GRM7: variants seen among roughly 807,000 people sequenced by gnomAD.
GRM7 encodes glutamate metabotropic receptor 7, also known as metabotropic glutamate receptor 7.
In GRM7, 35 loss-of-function variants were observed where a neutral mutation model predicts 84.5. The ratio of observed to expected loss-of-function variants is 0.41; its 90% CI spans 0.32 to 0.55. GRM7 has a LOEUF of 0.55. GRM7 is among the 20% of genes least tolerant of loss of function. The probability of loss-of-function intolerance (pLI) is 0.19; values close to 1 mark genes in which losing one functional copy is unlikely to be tolerated. For synonymous variants in GRM7, 487 were observed against 455.1 expected (o/e 1.07, Z -0.89); for missense variants, 1,003 against 1,194.6 (o/e 0.84, Z 2.36).
chr3:7,205,001 A>C (rs139257397), intron 2 of GRM7, among the ~76,000 whole-genome samples: 15 of 152,346 alleles, frequency 9.8e-5, no homozygotes, highest in South Asian at 2.1e-4. Context: ...GACTTATTTG[A>C]ATATTATCTC....
At chr3:7,324,702 C>T (rs756962456) in intron 4 of GRM7, among the ~76,000 whole-genome samples, 3 of 152,062 alleles carry the variant, frequency 2.0e-5, no homozygotes, top group Non-Finnish European at 2.9e-5. Flanking sequence ...GGAATTCTGG[C>T]ATCTCGACTT....
intron 5 of GRM7, among the ~76,000 whole-genome samples, chr3:7,435,122 T>C (rs1053209365): frequency 6.6e-6 from 1 of 152,124 alleles, no homozygotes; most frequent in South Asian, 2.1e-4. Context: ...TTAGTGTCTG[T>C]TGCATCTGTA....
intron 1 of GRM7, among the ~76,000 whole-genome samples, chr3:6,963,399 A>G (rs551668243): frequency 6.6e-6 from 1 of 152,196 alleles, no homozygotes; most frequent in Non-Finnish European, 1.5e-5. Flanking sequence ...ATGCACAAAG[A>G]TGTATAGATT....
chr3:7,403,961 G>A (rs539001119), intron 4 of GRM7, among the ~76,000 whole-genome samples: 3 of 152,008 alleles, frequency 2.0e-5, no homozygotes, highest in Admixed American at 6.6e-5. Context: ...TTGCACAATC[G>A]TATAGAGTAG....
chr3:7,589,407 G>A (rs894844888), intron 8 of GRM7, among the ~76,000 whole-genome samples: 7 of 152,074 alleles, frequency 4.6e-5, no homozygotes, highest in Non-Finnish European at 8.8e-5. Flanking sequence ...GTTTTATAAG[G>A]CCTTGGAACC....
intron 6 of GRM7, among the ~76,000 whole-genome samples, chr3:7,460,610 T>C (rs1362399607): frequency 6.6e-6 from 1 of 152,174 alleles, no homozygotes; most frequent in Non-Finnish European, 1.5e-5. Flanking sequence ...AGCAGTCATA[T>C]ATCATATTAT....
rs1030517576 is a variant in GRM7, at chr3:7,439,003, C to T, written c.1175-13604C>T. 1.2e-4 allele frequency among the ~76,000 whole-genome samples: 19 copies of T among 152,018 alleles called. 1 individual carries two copies. The highest frequency in any genetic ancestry group is 3.6e-4 in the African/African-American group (15 of 41,400). On this transcript the variant is annotated intron_variant, in intron 5 of 9. Coordinates refer to ENST00000357716, the MANE Select transcript of GRM7 (RefSeq NM_000844.4). ...AGATGTAGAATTCGGAAGTCTATAT[C>T]GCAGATACAAAGCATAAGTTCATCA... is the stretch of plus-strand genomic sequence containing the variant.
At chr3:7,290,970 G>C (rs1467436905) in intron 2 of GRM7, among the ~76,000 whole-genome samples, 1 of 151,984 alleles carries the variant, frequency 6.6e-6, no homozygotes, top group African/African-American at 2.4e-5. Flanking sequence ...CCCACCCCCA[G>C]GTGCTGTTCC....
rs1234942954 is a variant in GRM7, at chr3:7,290,007, TA to T, written c.737-8671del. On this transcript the variant is annotated intron_variant, in intron 2 of 9. Transcript: ENST00000357716. Reference sequence around the variant, plus strand: ...ATGTACCCTAGAACTTAAAGTATAATAAAAAATAAAATAAAAATAAAAATAA... The same window carrying T: ...ATGTACCCTAGAACTTAAAGTATAATAAAAATAAAATAAAAATAAAAATAA... Among the ~76,000 whole-genome samples, 27 of 151,838 alleles carry T rather than the reference TA, an allele frequency of 1.8e-4. No homozygotes were observed. The East Asian group carries it at 5.0e-3, about 28-fold the overall frequency.
At chr3:7,644,034 A>ACACACC (rs59647615) in intron 8 of GRM7, among the ~76,000 whole-genome samples, 120,424 of 147,398 alleles carry the variant, frequency 0.82, 49,290 homozygotes, top group East Asian at 0.85. Context: ...ACACACACAC[A>ACACACC]CCATATATAA....
At position 6,917,195 on chromosome 3, in the gene GRM7, C is replaced by T. The variant is rs546148203; in HGVS notation, c.519+55288C>T. On this transcript the variant is annotated intron_variant, in intron 1 of 9. Coordinates refer to ENST00000357716, the MANE Select transcript of GRM7 (RefSeq NM_000844.4). ...AATTTGGTAAGAGGTTAGGACTATA[C>T]CCAGCATTTAGCGTCTATATAAATA... 1.1e-4 allele frequency among the ~76,000 whole-genome samples: 17 copies of T among 152,134 alleles called. 1 individual carries two copies. The South Asian group carries it at 3.3e-3, about 30-fold the overall frequency.
intron 4 of GRM7, among the ~76,000 whole-genome samples, chr3:7,325,601 C>A (rs1027807500): frequency 6.6e-6 from 1 of 152,156 alleles, no homozygotes; most frequent in African/African-American, 2.4e-5. Flanking sequence ...GGATAGATAT[C>A]CCAGCCTGGG....
In GRM7 at chr3:7,461,600, G is replaced by T. The variant is rs1169885557; in HGVS notation, c.1393G>T (p.Val465Leu). ...TTCCTTAGGTAGTGCTGGCACTCCAGTGATGTTTAACAAGAACGGGGATGC... is the reference window on the plus strand; with the variant it reads ...TTCCTTAGGTAGTGCTGGCACTCCATTGATGTTTAACAAGAACGGGGATGC... ...VNFNGSAGTP[V>L]MFNKNGDAPG... The change falls in exon 7 of 10, where the codon GTG (valine) becomes TTG (leucine). Residue 465 changes from valine (V) to leucine (L), a missense_variant. Physicochemically the swap from Val to Leu is conservative, Grantham distance 32. Transcript: ENST00000357716. 4 of 1,613,030 alleles carry T rather than the reference G, an allele frequency of 2.5e-6. No homozygotes were observed. Among genetic ancestry groups the T allele is most frequent in the Non-Finnish European group, 3.4e-6 (4 of 1,179,050 alleles).
chr3:7,590,160 C>T (rs1188553041), intron 8 of GRM7, among the ~76,000 whole-genome samples: 1 of 152,144 alleles, frequency 6.6e-6, no homozygotes, highest in Non-Finnish European at 1.5e-5. Flanking sequence ...TGTAACATGA[C>T]CTGTGACCCC....
chr3:7,195,516 A>T (rs1695848891), intron 2 of GRM7, among the ~76,000 whole-genome samples: 1 of 152,174 alleles, frequency 6.6e-6, no homozygotes, highest in African/African-American at 2.4e-5. Flanking sequence ...TTCTAAAGTA[A>T]GAGAAATTTG....
At chr3:7,121,972 C>G (rs973863039) in intron 1 of GRM7, among the ~76,000 whole-genome samples, 3 of 152,204 alleles carry the variant, frequency 2.0e-5, no homozygotes, top group Non-Finnish European at 4.4e-5. Flanking sequence ...CTCATGCTCT[C>G]TCTGTCTCAC....
chr3:7,492,071 T>G (rs1320764999), intron 7 of GRM7, among the ~76,000 whole-genome samples: 1 of 152,190 alleles, frequency 6.6e-6, no homozygotes, highest in East Asian at 1.9e-4. Context: ...CACATAGTCA[T>G]GGTGTATAAT....
chr3:7,425,113 C>T (rs970243644), intron 5 of GRM7, among the ~76,000 whole-genome samples: 2 of 152,136 alleles, frequency 1.3e-5, no homozygotes, highest in South Asian at 4.1e-4. Context: ...CGTAGTTTTG[C>T]TTCTATAGCA....
intron 4 of GRM7, among the ~76,000 whole-genome samples, chr3:7,378,016 G>C (rs1198223605): frequency 6.6e-6 from 1 of 152,078 alleles, no homozygotes; most frequent in African/African-American, 2.4e-5. Flanking sequence ...TCCCCCGCTA[G>C]GAAGTCTCCC....
Sources: gnomAD v4.1 joint callset for allele counts (sites outside exome capture counted in the v4.1 genomes callset) on GRCh38, gnomAD v4.1.1 for gene constraint, MANE v1.5 for transcripts, NCBI Gene and HGNC (gene_info 2026-07-23, HGNC 2026-07-21) for gene names.